P4HA1: variants seen among roughly 807,000 people sequenced by gnomAD.
The protein encoded by P4HA1 is prolyl 4-hydroxylase subunit alpha-1.
P4HA1 carries 24 observed loss-of-function variants against 72.8 expected under a neutral mutation model. The observed-to-expected ratio is 0.33, with a 90% CI of 0.24 to 0.46. The LOEUF (loss-of-function observed/expected upper bound fraction) is 0.46. Among genes scored for constraint, P4HA1 ranks in the 20% least tolerant of loss-of-function variants. The pLI is 1.00. For missense variants in P4HA1, 446 were observed against 640.6 expected (o/e 0.70, Z 3.28); for synonymous variants, 201 against 218.8 (o/e 0.92, Z 0.72).
chr10:73,081,386 T>C (rs763451671), intron 1 of P4HA1, among the ~76,000 whole-genome samples: 2 of 152,196 alleles, frequency 1.3e-5, no homozygotes, highest in African/African-American at 2.4e-5. Flanking sequence ...TTCAAAAGTG[T>C]TTATTATATA....
chr10:73,024,097 A>G (rs1209426764), intron 10 of P4HA1, among the ~76,000 whole-genome samples: 3 of 152,170 alleles, frequency 2.0e-5, no homozygotes, highest in African/African-American at 7.2e-5. Context: ...GGTTAACAAG[A>G]ATATCCAGGA....
chr10:73,047,871 C>T (rs776545428), intron 7 of P4HA1, among the ~76,000 whole-genome samples: 28 of 151,950 alleles, frequency 1.8e-4, no homozygotes, highest in Non-Finnish European at 2.6e-4. Flanking sequence ...GGTCACACAG[C>T]GAAATCTCGT....
chr10:73,050,755 G>A (rs1841000522), intron 7 of P4HA1, among the ~76,000 whole-genome samples: 1 of 151,878 alleles, frequency 6.6e-6, no homozygotes, highest in Admixed American at 6.6e-5. Context: ...GCCCAGGCTG[G>A]AGTGCAGTGG....
chr10:73,073,686 C>T (rs1032375547), intron 3 of P4HA1, 45 bp downstream of exon 3: 3 of 909,312 alleles, frequency 3.3e-6, no homozygotes, highest in African/African-American at 1.6e-5. Context: ...AGAAAGAAAA[C>T]ATCCAGGTTG....
At chr10:73,089,913 C>T (rs182991214) in intron 1 of P4HA1, among the ~76,000 whole-genome samples, 4 of 152,260 alleles carry the variant, frequency 2.6e-5, no homozygotes, top group Admixed American at 1.3e-4. Context: ...CTTGGCTCAC[C>T]GCAGCCTTAA....
chr10:73,048,916 C>T (rs1027722734), intron 7 of P4HA1, among the ~76,000 whole-genome samples: 8 of 152,016 alleles, frequency 5.3e-5, no homozygotes, highest in Admixed American at 1.3e-4. Context: ...AGGCGGATCA[C>T]GAGGTCAGGA....
intron 1 of P4HA1, among the ~76,000 whole-genome samples, chr10:73,091,088 G>C (rs1361888403): frequency 1.4e-5 from 2 of 138,820 alleles, no homozygotes; most frequent in Non-Finnish European, 3.1e-5. Flanking sequence ...AAAAAAAGAA[G>C]TAACTAAATT....
chr10:73,075,664 A>T (rs1007583998), intron 1 of P4HA1, among the ~76,000 whole-genome samples: 1 of 151,980 alleles, frequency 6.6e-6, no homozygotes, highest in Non-Finnish European at 1.5e-5. Flanking sequence ...TAAAGGAAAA[A>T]TATTTCAGAG....
chr10:73,029,498 C>CA (rs954472312), intron 10 of P4HA1, among the ~76,000 whole-genome samples: 35 of 143,242 alleles, frequency 2.4e-4, no homozygotes, highest in Middle Eastern at 6.9e-3. Flanking sequence ...TTGATAACTT[C>CA]AAAAAAAAAA....
At chr10:73,034,147 A>C (rs1840507302) in intron 9 of P4HA1, among the ~76,000 whole-genome samples, 1 of 152,096 alleles carries the variant, frequency 6.6e-6, no homozygotes. Flanking sequence ...CCAGGAGTTC[A>C]AGGATGCAGG....
At chr10:73,049,313 C>G (rs1381924479) in intron 7 of P4HA1, among the ~76,000 whole-genome samples, 1 of 152,096 alleles carries the variant, frequency 6.6e-6, no homozygotes, top group Non-Finnish European at 1.5e-5. Context: ...TTGAGTTTAC[C>G]AGTAGTAAAG....
At chr10:73,037,571 A>ATATATTT (rs1238501206) in intron 9 of P4HA1, among the ~76,000 whole-genome samples, 1 of 30,612 alleles carries the variant, frequency 3.3e-5, no homozygotes, top group Non-Finnish European at 5.9e-5. Context: ...ATATATATAT[A>ATATATTT]TTTTTTTTTT....
At chr10:73,093,865 AAAAAAAAAATATATATATATATAT>A (rs1842092786) in intron 1 of P4HA1, among the ~76,000 whole-genome samples, 1 of 72,974 alleles carries the variant, frequency 1.4e-5, no homozygotes, top group African/African-American at 6.6e-5. Context: ...AAAAAAAAAA[AAAAAAAAAATATATATATATATAT>A]ATATATATAT....
intron 5 of P4HA1, among the ~76,000 whole-genome samples, chr10:73,066,711 T>A (rs551334853): frequency 6.6e-6 from 1 of 152,000 alleles, no homozygotes; most frequent in South Asian, 2.1e-4. Flanking sequence ...CGGGACAAGG[T>A]GGAGATAACT....
chr10:73,015,889 T>A (rs940536634), intron 11 of P4HA1, among the ~76,000 whole-genome samples: 12 of 151,886 alleles, frequency 7.9e-5, no homozygotes, highest in Admixed American at 5.3e-4. Flanking sequence ...TTTTTTTTTT[T>A]AACTGGTAAA....
intron 6 of P4HA1, among the ~76,000 whole-genome samples, chr10:73,051,914 TGAAAAA>T (rs1841029734): frequency 6.6e-6 from 1 of 152,030 alleles, no homozygotes; most frequent in Non-Finnish European, 1.5e-5. Flanking sequence ...TTTTAAGAAA[TGAAAAA>T]GATTTTTCCA....
chr10:73,029,593 AG>A (rs1490835262), intron 10 of P4HA1, among the ~76,000 whole-genome samples: 1 of 151,910 alleles, frequency 6.6e-6, no homozygotes, highest in Non-Finnish European at 1.5e-5. Flanking sequence ...ACGCTGACAA[AG>A]GGGAAGACTA....
intron 14 of P4HA1, 77 bp from the exon 15 acceptor site, chr10:73,008,369 A>G: frequency 1.1e-6 from 1 of 918,516 alleles, no homozygotes; most frequent in South Asian, 1.5e-5. Context: ...AGCTAGGTCT[A>G]TAACAAAGTT....
chr10:73,069,680 A>T (rs1841505256), intron 4 of P4HA1, among the ~76,000 whole-genome samples: 1 of 152,228 alleles, frequency 6.6e-6, no homozygotes, highest in African/African-American at 2.4e-5. Context: ...AACCCCAAGA[A>T]GAATGAATGC....
Sources: allele counts gnomAD v4.1 joint callset (sites outside exome capture counted in the v4.1 genomes callset), GRCh38; gene constraint gnomAD v4.1.1; transcripts MANE v1.5; gene names NCBI Gene and HGNC (gene_info 2026-07-23, HGNC 2026-07-21).